The following HS3ST4 variants were observed in gnomAD, a reference collection of about 807,000 sequenced individuals.
HS3ST4 encodes heparan sulfate-glucosamine 3-sulfotransferase 4, also known as heparan sulfate glucosamine 3-O-sulfotransferase 4.
In HS3ST4, 17 loss-of-function variants were observed where a neutral mutation model predicts 29.2. That is an observed-to-expected ratio of 0.58 (90% CI 0.40 to 0.87). The LOEUF is 0.87. Ranked by LOEUF, HS3ST4 falls within the 40% of genes least tolerant of loss-of-function variation. HS3ST4 has a pLI of 0.00. For missense variants in HS3ST4, 627 were observed against 634.5 expected (o/e 0.99, Z 0.13); for synonymous variants, 314 against 285.7 (o/e 1.10, Z -1.00).
intron 1 of HS3ST4, among the ~76,000 whole-genome samples, chr16:26,059,445 A>C (rs1439098054): frequency 6.6e-6 from 1 of 152,236 alleles, no homozygotes; most frequent in African/African-American, 2.4e-5. Flanking sequence ...CCTAAGAATG[A>C]AATAAAGTAG....
intron 1 of HS3ST4, among the ~76,000 whole-genome samples, chr16:25,761,326 G>T (rs1321599748): frequency 6.6e-6 from 1 of 152,192 alleles, no homozygotes; most frequent in Non-Finnish European, 1.5e-5. Context: ...CAAAAGGGTG[G>T]CCACTGGTCC....
chr16:25,873,427 C>A (rs1967783777), intron 1 of HS3ST4, among the ~76,000 whole-genome samples: 1 of 144,682 alleles, frequency 6.9e-6, no homozygotes, highest in African/African-American at 2.7e-5. Context: ...CCCATCCATC[C>A]ATTAATCCAT....
intron 1 of HS3ST4, among the ~76,000 whole-genome samples, chr16:26,076,207 CATA>C (rs1442323185): frequency 1.3e-5 from 2 of 152,126 alleles, no homozygotes; most frequent in African/African-American, 4.8e-5. Context: ...GAGAGAGAGG[CATA>C]ATGTGCTTGT....
intron 1 of HS3ST4, among the ~76,000 whole-genome samples, chr16:26,018,333 G>C (rs972294976): frequency 2.0e-5 from 3 of 152,182 alleles, no homozygotes; most frequent in African/African-American, 7.2e-5. Flanking sequence ...GGAGTTGTTG[G>C]GGGGCACAGG....
At chr16:25,748,570 G>T (rs1966699443) in intron 1 of HS3ST4, among the ~76,000 whole-genome samples, 1 of 152,202 alleles carries the variant, frequency 6.6e-6, no homozygotes, top group African/African-American at 2.4e-5. Context: ...AATGCATGAA[G>T]CAGTGTCCTT....
At chr16:26,118,741 T>C (rs1205793364) in intron 1 of HS3ST4, among the ~76,000 whole-genome samples, 1 of 152,026 alleles carries the variant, frequency 6.6e-6, no homozygotes. Flanking sequence ...TGAGGAAATA[T>C]CAAATGCCAG....
intron 1 of HS3ST4, among the ~76,000 whole-genome samples, chr16:25,959,284 T>C (rs1445990589): frequency 6.6e-6 from 1 of 152,198 alleles, no homozygotes; most frequent in Non-Finnish European, 1.5e-5. Flanking sequence ...TTTTAGACAA[T>C]CCTTAAACAA....
At position 26,106,656 on chromosome 16, in the gene HS3ST4, T is replaced by G. The variant is rs541394524; in HGVS notation, c.735-28956T>G. On this transcript the variant is annotated intron_variant, in intron 1 of 1. Coordinates refer to ENST00000331351, the MANE Select transcript of HS3ST4 (RefSeq NM_006040.3). ...TTTTGAGAATACTTGACAATGATGG[T>G]GAATAAAGGCTCAGTGACCTGCTCC... Among the ~76,000 whole-genome samples the G allele has an allele frequency of 1.2e-4, 19 of 152,254 alleles. No homozygotes were observed. In the South Asian group the frequency reaches 3.9e-3, roughly 32 times the overall value.
At chr16:26,085,609 G>A (rs1219366981) in intron 1 of HS3ST4, among the ~76,000 whole-genome samples, 5 of 152,106 alleles carry the variant, frequency 3.3e-5, no homozygotes, top group African/African-American at 9.7e-5. Context: ...AGTGGCTCAC[G>A]CCTATAATCC....
chr16:25,724,983 G>T (rs1966522296), intron 1 of HS3ST4, among the ~76,000 whole-genome samples: 2 of 143,774 alleles, frequency 1.4e-5, no homozygotes, highest in East Asian at 2.0e-4. Context: ...TATTTTTTGT[G>T]CTTTCTTGCC....
At chr16:25,920,147 A>T (rs1318709690) in intron 1 of HS3ST4, among the ~76,000 whole-genome samples, 1 of 152,148 alleles carries the variant, frequency 6.6e-6, no homozygotes, top group Non-Finnish European at 1.5e-5. Flanking sequence ...CTCATTGCTC[A>T]ACCTTAATCT....
chr16:26,097,036 G>A (rs973128456), intron 1 of HS3ST4, among the ~76,000 whole-genome samples: 2 of 152,034 alleles, frequency 1.3e-5, no homozygotes, highest in Non-Finnish European at 2.9e-5. Context: ...GGGATGTGAA[G>A]GACCTCTTCA....
chr16:25,982,082 C>T (rs1014609226), intron 1 of HS3ST4, among the ~76,000 whole-genome samples: 4 of 152,154 alleles, frequency 2.6e-5, no homozygotes, highest in Non-Finnish European at 5.9e-5. Context: ...TTTCTGTCCA[C>T]GTGCCCAGTG....
chr16:25,812,065 G>A (rs1194389097), intron 1 of HS3ST4, among the ~76,000 whole-genome samples: 1 of 152,110 alleles, frequency 6.6e-6, no homozygotes, highest in Admixed American at 6.5e-5. Context: ...GCGGTCTACT[G>A]TTGATGGGCA....
intron 1 of HS3ST4, among the ~76,000 whole-genome samples, chr16:26,072,430 C>G (rs998504402): frequency 5.3e-5 from 8 of 152,048 alleles, no homozygotes; most frequent in Non-Finnish European, 1.0e-4. Flanking sequence ...CAGCATCAGA[C>G]CAGGAATCTC....
intron 1 of HS3ST4, among the ~76,000 whole-genome samples, chr16:25,840,136 T>C (rs1967398545): frequency 6.6e-6 from 1 of 152,214 alleles, no homozygotes; most frequent in Non-Finnish European, 1.5e-5. Flanking sequence ...GTATATCACT[T>C]TCATACTGAT....
At chr16:26,014,635 G>A (rs931393919) in intron 1 of HS3ST4, among the ~76,000 whole-genome samples, 3 of 152,114 alleles carry the variant, frequency 2.0e-5, no homozygotes, top group African/African-American at 4.8e-5. Flanking sequence ...TAGGATAATG[G>A]CCTTCAGCTC....
intron 1 of HS3ST4, among the ~76,000 whole-genome samples, chr16:25,807,017 G>A (rs184019931): frequency 2.7e-3 from 408 of 152,270 alleles, no homozygotes; most frequent in Non-Finnish European, 4.4e-3. Context: ...TTGTTGCTCA[G>A]GCTGGAGTGC....
intron 1 of HS3ST4, among the ~76,000 whole-genome samples, chr16:25,789,305 T>A (rs1966862988): frequency 6.6e-6 from 1 of 151,852 alleles, no homozygotes; most frequent in Non-Finnish European, 1.5e-5. Context: ...TCTTCTTTCT[T>A]TCTTTCTTTC....
Sources: gnomAD v4.1 joint callset for allele counts (sites outside exome capture counted in the v4.1 genomes callset) on GRCh38, gnomAD v4.1.1 for gene constraint, MANE v1.5 for transcripts, NCBI Gene and HGNC (gene_info 2026-07-23, HGNC 2026-07-21) for gene names.